Variants in TRDN observed in about 807,000 individuals in gnomAD.
TRDN encodes the protein triadin.
In TRDN, 161 loss-of-function variants were observed where a neutral mutation model predicts 149.7. The ratio of observed to expected loss-of-function variants is 1.08; its 90% CI spans 0.95 to 1.23. TRDN has a LOEUF of 1.23. Ranked by LOEUF, TRDN falls within the 50% of genes most tolerant of loss-of-function variation. The pLI, the probability that TRDN is intolerant of heterozygous loss-of-function variation, is 0.00. For missense variants in TRDN, 896 were observed against 823.5 expected, an observed-to-expected ratio of 1.09 and a Z score of -1.08; for synonymous variants, 294 against 250.5, an observed-to-expected ratio of 1.17 and a Z score of -1.64.
rs1278948745 is a variant in TRDN at position 123,636,770 on chromosome 6, A to G, written c.6T>C (p.Thr2=). The G allele has an allele frequency of 1.9e-6, 3 of 1,611,550 alleles. No individual in the cohort carries two copies. Among genetic ancestry groups the G allele is most frequent in the Non-Finnish European group, 1.7e-6 (2 of 1,178,348 alleles). Residue 2 remains threonine, a synonymous_variant, in exon 1 of 41, where the codon ACT becomes ACC. Coordinates refer to ENST00000334268, the MANE Select transcript of TRDN (RefSeq NM_006073.4). M[T]EITAEGNAST... Reference sequence around the variant, plus strand: ...TAGCAATACCTTCAGCAGTGATCTCAGTCATGGTGGTCGTCAAAAGTAAAA... The same window carrying G: ...TAGCAATACCTTCAGCAGTGATCTCGGTCATGGTGGTCGTCAAAAGTAAAA...
chr6:123,516,071 G>A, intron 6 of TRDN, 70 bp downstream of exon 6: 1 of 1,318,232 alleles, frequency 7.6e-7, no homozygotes, highest in Non-Finnish European at 9.8e-7. Flanking sequence ...TCTAAAATCT[G>A]AATGTAAAGA....
chr6:123,579,906 G>C (rs554258437), intron 1 of TRDN, among the ~76,000 whole-genome samples: 82 of 152,274 alleles, frequency 5.4e-4, no homozygotes, highest in African/African-American at 1.9e-3. Flanking sequence ...ACCCTGAAAA[G>C]AAGGTGCCTT....
chr6:123,420,057 G>C (rs1773833268), intron 12 of TRDN, among the ~76,000 whole-genome samples: 1 of 152,156 alleles, frequency 6.6e-6, no homozygotes, highest in South Asian at 2.1e-4. Flanking sequence ...CAGGAAAAAG[G>C]GGATCCTGAA....
chr6:123,584,516 T>C (rs1054662244), intron 1 of TRDN, among the ~76,000 whole-genome samples: 1 of 152,024 alleles, frequency 6.6e-6, no homozygotes, highest in Non-Finnish European at 1.5e-5. Flanking sequence ...AGTTGTTGTT[T>C]TGTAAGGGAT....
intron 10 of TRDN, among the ~76,000 whole-genome samples, chr6:123,450,031 C>T (rs2114649232): frequency 6.6e-6 from 1 of 152,228 alleles, no homozygotes; most frequent in Middle Eastern, 3.4e-3. Context: ...GAGAATTCGC[C>T]ATTACCAAGC....
intron 1 of TRDN, among the ~76,000 whole-genome samples, chr6:123,585,338 G>A (rs898955679): frequency 6.6e-6 from 1 of 152,106 alleles, no homozygotes; most frequent in South Asian, 2.1e-4. Flanking sequence ...TGGCACCAGA[G>A]TTGGGGACTT....
intron 23 of TRDN, among the ~76,000 whole-genome samples, chr6:123,331,199 G>A (rs1453927602): frequency 1.3e-5 from 2 of 151,978 alleles, no homozygotes; most frequent in South Asian, 2.1e-4. Context: ...GTTGAATTTG[G>A]CAAGTTTATT....
intron 21 of TRDN, among the ~76,000 whole-genome samples, chr6:123,338,435 T>C (rs999174412): frequency 6.6e-6 from 1 of 152,190 alleles, no homozygotes; most frequent in Non-Finnish European, 1.5e-5. Flanking sequence ...GCTAATCTAG[T>C]GACACCTGCT....
At chr6:123,582,138 A>G (rs1783150940) in intron 1 of TRDN, among the ~76,000 whole-genome samples, 1 of 152,186 alleles carries the variant, frequency 6.6e-6, no homozygotes, top group Non-Finnish European at 1.5e-5. Flanking sequence ...TGTACCCTAT[A>G]CATTGGTTCA....
At chr6:123,405,644 C>T (rs544961077) in intron 12 of TRDN, among the ~76,000 whole-genome samples, 2 of 152,188 alleles carry the variant, frequency 1.3e-5, no homozygotes, top group African/African-American at 4.8e-5. Context: ...TAGAGGTTAC[C>T]GTGATAAATT....
At chr6:123,473,310 G>A (rs1777284285) in intron 9 of TRDN, among the ~76,000 whole-genome samples, 1 of 152,108 alleles carries the variant, frequency 6.6e-6, no homozygotes, top group South Asian at 2.1e-4. Context: ...GAAGCCTCAG[G>A]AGCCGATGCG....
At chr6:123,312,344 T>C (rs939168543) in intron 24 of TRDN, among the ~76,000 whole-genome samples, 8 of 151,860 alleles carry the variant, frequency 5.3e-5, no homozygotes, top group African/African-American at 1.9e-4. Flanking sequence ...CCCGTCCTTT[T>C]CCTCCTCCTC....
chr6:123,560,009 C>T (rs1781894990), intron 2 of TRDN, among the ~76,000 whole-genome samples: 1 of 152,202 alleles, frequency 6.6e-6, no homozygotes, highest in Non-Finnish European at 1.5e-5. Flanking sequence ...AGACAGACCC[C>T]ATGACTTCAG....
Position 123,388,552 on chromosome 6 carries a change from C to T in TRDN, c.1106-1G>A. The stretch of plus-strand genomic sequence containing the variant: ...TTCTTTTCATCCTTCTTAGCTGCTG[C>T]TGAAGTAATGAAAATAGCGTTAAGG... On this transcript the variant is annotated splice_acceptor_variant, in intron 13 of 40. Coordinates refer to ENST00000334268, the MANE Select transcript of TRDN (RefSeq NM_006073.4). LOFTEE classifies it high-confidence loss of function. The T allele has an allele frequency of 6.3e-7, 1 of 1,584,374 alleles. No individual in the cohort carries two copies. Among genetic ancestry groups the T allele is most frequent in the Non-Finnish European group, 8.6e-7 (1 of 1,163,032 alleles).
At chr6:123,282,807 A>G (rs916014098) in intron 24 of TRDN, among the ~76,000 whole-genome samples, 9 of 151,946 alleles carry the variant, frequency 5.9e-5, no homozygotes, top group Non-Finnish European at 1.2e-4. Context: ...AATATAAGTC[A>G]TTATCATAAA....
Position 123,265,308 on chromosome 6 carries a change from G to C in TRDN, c.1804+10C>G. The C allele has an allele frequency of 7.1e-7, 1 of 1,406,178 alleles. No individual in the cohort carries two copies. Among genetic ancestry groups the C allele is most frequent in the Non-Finnish European group, 9.5e-7 (1 of 1,054,014 alleles). The allele number at this position is 1,406,178 out of a possible 1,614,324, so 87.1% of individuals were successfully genotyped here. ...AGGACAATTTTAAAATTCTAAAATG[G>C]TACACTTACTTGGAGTTGGTTTTGG... On this transcript the variant is annotated intron_variant, in intron 33 of 40. Transcript: ENST00000334268.
chr6:123,372,772 A>G (rs897271716), intron 19 of TRDN, among the ~76,000 whole-genome samples: 4 of 152,150 alleles, frequency 2.6e-5, no homozygotes, highest in African/African-American at 4.8e-5. Context: ...CAGTCTACAC[A>G]TCTACTTGTT....
chr6:123,613,131 C>T (rs1395866885), intron 1 of TRDN, among the ~76,000 whole-genome samples: 1 of 152,092 alleles, frequency 6.6e-6, no homozygotes, highest in Admixed American at 6.6e-5. Flanking sequence ...CTTCACTTAC[C>T]AAAGCATTGG....
chr6:123,533,742 G>C (rs1480228325), intron 4 of TRDN, among the ~76,000 whole-genome samples: 1 of 152,066 alleles, frequency 6.6e-6, no homozygotes, highest in Non-Finnish European at 1.5e-5. Flanking sequence ...CCACTCAGGA[G>C]AAGGGAAATG....
Sources: gnomAD v4.1 joint callset for allele counts (sites outside exome capture counted in the v4.1 genomes callset) on GRCh38, gnomAD v4.1.1 for gene constraint, MANE v1.5 for transcripts, NCBI Gene and HGNC (gene_info 2026-07-23, HGNC 2026-07-21) for gene names.